Variants in STAB1 observed in about 807,000 individuals in gnomAD.
STAB1 encodes the protein stabilin-1.
Under a neutral mutation model 332.4 loss-of-function variants are expected in STAB1, and 250 were observed. The ratio of observed to expected loss-of-function variants is 0.75; its 90% CI spans 0.68 to 0.84. The LOEUF is 0.84. Among genes scored for constraint, STAB1 ranks in the 40% least tolerant of loss-of-function variants. STAB1 has a pLI of 0.00. For missense variants in STAB1, 3,249 were observed against 3,489.7 expected, an observed-to-expected ratio of 0.93 and a Z score of 1.74; for synonymous variants, 1,475 against 1,390.4, an observed-to-expected ratio of 1.06 and a Z score of -1.35.
At chr3:52,506,526 T>A (rs1298946340) in intron 17 of STAB1, among the ~76,000 whole-genome samples, 166 bp from the exon 18 acceptor site, 1 of 152,186 alleles carries the variant, frequency 6.6e-6, no homozygotes, top group East Asian at 1.9e-4. Flanking sequence ...TGGAGCAGTG[T>A]CGTTGGCCAG....
At position 52,502,528 on chromosome 3, in the gene STAB1, C is replaced by T. The variant is rs958078813; in HGVS notation, c.488-104C>T. 1.6e-5 allele frequency: 17 copies of T among 1,055,170 alleles called. No individual in the cohort carries two copies. In the East Asian group the frequency reaches 2.5e-4, roughly 16 times the overall value. 65.4% of individuals were successfully genotyped at this position (1,055,170 alleles called of 1,614,324 possible). On this transcript the variant is annotated intron_variant, in intron 5 of 68. Coordinates refer to ENST00000321725, the MANE Select transcript of STAB1 (RefSeq NM_015136.3). Reference sequence around the variant, plus strand: ...ACAGCTCTGTACTCTTAAGGTTGTACCTGCCCGAGCTGAGTTCTAAAAATA... The same window carrying T: ...ACAGCTCTGTACTCTTAAGGTTGTATCTGCCCGAGCTGAGTTCTAAAAATA...
chr3:52,502,088 C>T lies in STAB1; in HGVS notation c.414C>T (p.Cys138=). Residue 138 remains cysteine (C), a synonymous_variant, in exon 4 of 69, where the codon TGC becomes TGT. Coordinates refer to ENST00000321725, the MANE Select transcript of STAB1 (RefSeq NM_015136.3). ...DGMDRNGTCV[C]QENFRGSACQ... ...TGGACAGGAATGGGACCTGTGTGTG[C>T]CAGGTAAGGGCTGGGCAAGGTGGGG... The T allele has an allele frequency of 1.2e-6, 2 of 1,613,606 alleles. No homozygotes were observed. Among genetic ancestry groups the T allele is most frequent in the Non-Finnish European group, 1.7e-6 (2 of 1,180,016 alleles).
chr3:52,514,465 A>T lies in STAB1; in HGVS notation c.3647A>T (p.His1216Leu). 1 of 1,538,980 alleles carries T rather than the reference A, an allele frequency of 6.5e-7. No homozygotes were observed. Among genetic ancestry groups the T allele is most frequent in the Non-Finnish European group, 8.7e-7 (1 of 1,144,742 alleles). The change falls in exon 34 of 69, where the codon CAC becomes CTC. Residue 1216 changes from histidine to leucine, a missense_variant. His to Leu is a moderately conservative substitution (Grantham distance 99). Transcript: ENST00000321725. ...CGCAACTCCCTCCTGGGCCCTGCCC[A>T]CTGGATCGTCTTCTACAACCACAGT... The part of the protein sequence containing the change: ...GHRNSLLGPA[H>L]WIVFYNHSGQ...
At chr3:52,497,673 A>G (rs1360700371) in intron 1 of STAB1, among the ~76,000 whole-genome samples, 1 of 152,010 alleles carries the variant, frequency 6.6e-6, no homozygotes, top group African/African-American at 2.4e-5. Flanking sequence ...TCGGCCTCCC[A>G]AAGTGCTGGG....
chr3:52,514,957 A>G, intron 35 of STAB1, 32 bp from the exon 36 acceptor site: 1 of 1,613,110 alleles, frequency 6.2e-7, no homozygotes, highest in Non-Finnish European at 8.5e-7. Context: ...CCAGGCCTGG[A>G]CTGCCTGATG....
Position 52,512,399 on chromosome 3 carries a change from G to T in STAB1, c.2942G>T (p.Gly981Val). The T allele has an allele frequency of 6.2e-7, 1 of 1,610,442 alleles. No individual in the cohort carries two copies. The highest frequency in any genetic ancestry group is 8.5e-7 in the Non-Finnish European group (1 of 1,178,902). The change falls in exon 27 of 69, where the codon GGG becomes GTG. Residue 981 changes from glycine (G) to valine (V), a missense_variant. Transcript: ENST00000321725. ...GTCTGCACGTGCCCCCCTGGCTTTG[G>T]GGGTGATGGCTTCAGCTGTTATGGA... ...QRVCTCPPGF[G>V]GDGFSCYGDI...
rs371443828 is a variant in STAB1 at position 52,501,224 on chromosome 3, C to T, written c.137C>T (p.Ser46Leu). ...TTFVTHVPCT[S>L]CAAIKKQTCP... ...TTTGTCACTCATGTACCCTGCACCTCGTGCGCGGCCATCAAGAAGCAGACG... is the reference window on the plus strand; with the variant it reads ...TTTGTCACTCATGTACCCTGCACCTTGTGCGCGGCCATCAAGAAGCAGACG... The change falls in exon 2 of 69, where the codon TCG becomes TTG. Residue 46 changes from serine to leucine, a missense_variant. Physicochemically the swap from Ser to Leu is moderately radical, Grantham distance 145 (BLOSUM62 -2). Coordinates refer to ENST00000321725, the MANE Select transcript of STAB1 (RefSeq NM_015136.3). The T allele has an allele frequency of 1.7e-5, 28 of 1,613,660 alleles. No individual in the cohort carries two copies. The highest frequency in any genetic ancestry group is 2.2e-5 in the South Asian group (2 of 91,088).
Position 52,520,188 on chromosome 3 carries a change from G to T in STAB1, c.5413-16G>T. 4 of 1,613,174 alleles carry T rather than the reference G, an allele frequency of 2.5e-6. No individual in the cohort carries two copies. The Admixed American group carries it at 5.0e-5, about 20-fold the overall frequency. On this transcript the variant is annotated splice_polypyrimidine_tract_variant and intron_variant, in intron 51 of 68. Coordinates refer to ENST00000321725, the MANE Select transcript of STAB1 (RefSeq NM_015136.3). ...AGCCTGCCTTTCCACCTCCAACCAT[G>T]ACTCCACTTGCTCAGGCCTTGGCAT... is the stretch of plus-strand genomic sequence containing the variant.
In STAB1 at chr3:52,504,562, C is replaced by G. The variant is rs765194393; in HGVS notation, c.1239+13C>G. ...CAGGACCATGAATGTAAGCCCCTCC[C>G]CATGGTGGAGCTGGCCACTGGCCCT... On this transcript the variant is annotated intron_variant, in intron 11 of 68. Coordinates refer to ENST00000321725, the MANE Select transcript of STAB1 (RefSeq NM_015136.3). 2 of 1,613,778 alleles carry G rather than the reference C, an allele frequency of 1.2e-6. No homozygotes were observed. The highest frequency in any genetic ancestry group is 1.7e-6 in the Non-Finnish European group (2 of 1,179,864).
chr3:52,497,292 A>T (rs549924874), intron 1 of STAB1, among the ~76,000 whole-genome samples: 1 of 150,864 alleles, frequency 6.6e-6, no homozygotes, highest in Non-Finnish European at 1.5e-5. Flanking sequence ...GCCCAACCCC[A>T]TGTTCAGACT....
In STAB1 at chr3:52,523,720, T is replaced by C. The variant is rs1462618834; in HGVS notation, c.7359T>C (p.His2453=). The change falls in exon 66 of 69, where the codon CAT becomes CAC. Residue 2453 remains histidine, a synonymous_variant. Transcript: ENST00000321725. ...TCATGGCCTTCAATGGCATCATCCA[T>C]GCTCTGGCCAGCCCCCTCCTGGCAC... ...WDIMAFNGII[H]ALASPLLAPP... is the part of the protein sequence containing the mutation. 9 of 1,604,924 alleles carry C rather than the reference T, an allele frequency of 5.6e-6. No homozygotes were observed. Among genetic ancestry groups the C allele is most frequent in the Non-Finnish European group, 7.7e-6 (9 of 1,173,322 alleles).
rs1204380340 is a variant in STAB1 at position 52,503,158 on chromosome 3, G to A, written c.694+49G>A. On this transcript the variant is annotated intron_variant, in intron 7 of 68. Coordinates refer to ENST00000321725, the MANE Select transcript of STAB1 (RefSeq NM_015136.3). ...GGACTTCAGCTCAGGGCGGGCGGGG[G>A]CTGGGAGAGCATCCTTTAACCCAGC... 3.3e-6 allele frequency: 5 copies of A among 1,528,394 alleles called. No homozygotes were observed. The African/African-American group carries it at 6.9e-5, about 21-fold the overall frequency. 94.7% of individuals were successfully genotyped at this position (1,528,394 alleles called of 1,614,324 possible). A position where few individuals can be genotyped will look rare whatever the true frequency, so the allele number is the denominator to read the frequency against.
rs1291561943 is a variant in STAB1, at chr3:52,523,704, T to C, written c.7343T>C (p.Phe2448Ser). 2 of 1,610,444 alleles carry C rather than the reference T, an allele frequency of 1.2e-6. No homozygotes were observed. The highest frequency in any genetic ancestry group is 1.3e-5 in the African/African-American group (1 of 74,862). Residue 2448 changes from phenylalanine (F) to serine (S), a missense_variant, in exon 66 of 69, where the codon TTC becomes TCC. By Grantham distance (155) the Phe-to-Ser change is radical. Transcript: ENST00000321725. The stretch of plus-strand genomic sequence containing the variant: ...ATCATTGTGTGGGACATCATGGCCT[T>C]CAATGGCATCATCCATGCTCTGGCC... Reference protein sequence around the residue: ...SRIIVWDIMAFNGIIHALASP... With the variant: ...SRIIVWDIMASNGIIHALASP...
At chr3:52,500,529 A>G (rs1708367570) in intron 1 of STAB1, among the ~76,000 whole-genome samples, 1 of 152,134 alleles carries the variant, frequency 6.6e-6, no homozygotes, top group African/African-American at 2.4e-5. Context: ...TTGGTTAGAG[A>G]GGGTCATTTG....
chr3:52,519,582 G>A lies in STAB1; in HGVS notation c.5235+18G>A. 3.1e-6 allele frequency: 5 copies of A among 1,611,206 alleles called. No homozygotes were observed. Among genetic ancestry groups the A allele is most frequent in the Non-Finnish European group, 4.2e-6 (5 of 1,178,968 alleles). On this transcript the variant is annotated intron_variant, in intron 50 of 68. Transcript: ENST00000321725. ...TCCTGAAGGTACTGCTCCCGTGTGGGCCTGTCATTGTGGACACACATGCAC... is the reference window on the plus strand; with the variant it reads ...TCCTGAAGGTACTGCTCCCGTGTGGACCTGTCATTGTGGACACACATGCAC...
rs201076394 is a variant in STAB1 at position 52,506,696 on chromosome 3, G to C, written c.1835G>C (p.Arg612Pro). 1 of 1,608,824 alleles carries C rather than the reference G, an allele frequency of 6.2e-7. No individual in the cohort carries two copies. Among genetic ancestry groups the C allele is most frequent in the Non-Finnish European group, 8.5e-7 (1 of 1,178,064 alleles). The change falls in exon 18 of 69, where the codon CGC becomes CCC. Residue 612 changes from arginine (R) to proline (P), a missense_variant. Physicochemically the swap from Arg to Pro is moderately radical, Grantham distance 103. Coordinates refer to ENST00000321725, the MANE Select transcript of STAB1 (RefSeq NM_015136.3). ...VLAVNISEEG[R>P]ILLGPEGVPL... ...CTCAGTGGGTCTCTGCCGCAGGGGC[G>C]CATCCTGCTGGGACCCGAGGGGGTC...
At position 52,515,011 on chromosome 3, in the gene STAB1, G is replaced by C. The variant is rs1157284606; in HGVS notation, c.3830G>C (p.Arg1277Thr). 2 of 1,613,490 alleles carry C rather than the reference G, an allele frequency of 1.2e-6. No individual in the cohort carries two copies. The highest frequency in any genetic ancestry group is 4.5e-5 in the East Asian group (2 of 44,898). ...ALREKCVNCT[R>T]RFRCTQGFQL... ...TAGGAGAAATGTGTAAACTGCACCA[G>C]GAGATTCCGCTGCACTCAGGGCTTC... Residue 1277 changes from arginine (R) to threonine (T), a missense_variant, in exon 36 of 69, where the codon AGG becomes ACG. Transcript: ENST00000321725.
In STAB1 at chr3:52,523,346, C is replaced by A. The variant is rs758316720; in HGVS notation, c.7140+5C>A. The A allele has an allele frequency of 3.7e-6, 6 of 1,609,422 alleles. No homozygotes were observed. The highest frequency in any genetic ancestry group is 2.2e-5 in the East Asian group (1 of 44,902). Reference sequence around the variant, plus strand: ...GAAGGCTTTGTGGACAACATGGTAACCCCCAAGGGTGTGGGCAGAGCAGAG... The same window carrying A: ...GAAGGCTTTGTGGACAACATGGTAAACCCCAAGGGTGTGGGCAGAGCAGAG... On this transcript the variant is annotated splice_donor_5th_base_variant and intron_variant, in intron 64 of 68. Transcript: ENST00000321725.
Position 52,503,768 on chromosome 3 carries a change from C to G in STAB1, c.892-4C>G. 1 of 1,612,968 alleles carries G rather than the reference C, an allele frequency of 6.2e-7. No individual in the cohort carries two copies. Among genetic ancestry groups the G allele is most frequent in the Non-Finnish European group, 8.5e-7 (1 of 1,179,994 alleles). On this transcript the variant is annotated splice_polypyrimidine_tract_variant and splice_region_variant and intron_variant, in intron 8 of 68. Coordinates refer to ENST00000321725, the MANE Select transcript of STAB1 (RefSeq NM_015136.3). ...TGTTCCCCTCCTGCCCTGTCGGGGGCCAGGCCTTCTGCACCTGCCGGCCAG... is the reference window on the plus strand; with the variant it reads ...TGTTCCCCTCCTGCCCTGTCGGGGGGCAGGCCTTCTGCACCTGCCGGCCAG...
Sources: allele counts gnomAD v4.1 joint callset (sites outside exome capture counted in the v4.1 genomes callset), GRCh38; gene constraint gnomAD v4.1.1; transcripts MANE v1.5; gene names NCBI Gene and HGNC (gene_info 2026-07-23, HGNC 2026-07-21).